ZDHHC1: variants seen among roughly 807,000 people sequenced by gnomAD.
The protein encoded by ZDHHC1 is palmitoyltransferase ZDHHC1.
A neutral mutation model predicts 46.9 loss-of-function variants in ZDHHC1; 45 were observed. The observed-to-expected ratio is 0.96, with a 90% CI of 0.76 to 1.23. ZDHHC1 has a LOEUF of 1.23. Among genes scored for constraint, ZDHHC1 ranks in the 50% most tolerant of loss-of-function variants. The probability of loss-of-function intolerance (pLI) is 0.00; values close to 1 mark genes in which losing one functional copy is unlikely to be tolerated. For synonymous variants in ZDHHC1, 291 were observed against 286.0 expected, an observed-to-expected ratio of 1.02 and a Z score of -0.18; for missense variants, 649 against 670.8, an observed-to-expected ratio of 0.97 and a Z score of 0.36.
At chr16:67,402,509 C>A (rs554326993) in intron 3 of ZDHHC1, among the ~76,000 whole-genome samples, 3 of 152,314 alleles carry the variant, frequency 2.0e-5, no homozygotes, top group African/African-American at 7.2e-5. Flanking sequence ...TCCCGCCTCA[C>A]CCCCAGGGTC....
At chr16:67,398,461 A>T (rs2040476799) in intron 7 of ZDHHC1, 112 bp downstream of exon 7, 1 of 1,515,612 alleles carries the variant, frequency 6.6e-7, no homozygotes, top group African/African-American at 1.4e-5. Context: ...TGGCCACCAT[A>T]GTGAGCCCAT....
intron 1 of ZDHHC1, among the ~76,000 whole-genome samples, chr16:67,414,810 C>T (rs2040806191): frequency 6.6e-6 from 1 of 152,242 alleles, no homozygotes; most frequent in Non-Finnish European, 1.5e-5. Context: ...CAACTGACTT[C>T]CCGGTATGTC....
At chr16:67,396,510 G>A (rs1315633567) in intron 8 of ZDHHC1, among the ~76,000 whole-genome samples, 1 of 152,080 alleles carries the variant, frequency 6.6e-6, no homozygotes, top group African/African-American at 2.4e-5. Context: ...TCTAAAACAA[G>A]CCTATGTTTG....
rs1363271575 is a variant in ZDHHC1, at chr16:67,406,444, T to G, written c.10-2A>C. 2 of 1,527,602 alleles carry G rather than the reference T, an allele frequency of 1.3e-6. No individual in the cohort carries two copies. The highest frequency in any genetic ancestry group is 1.8e-6 in the Non-Finnish European group (2 of 1,136,042). 94.6% of individuals were successfully genotyped at this position (1,527,602 alleles called of 1,614,324 possible). A position where few individuals can be genotyped will look rare whatever the true frequency, so the allele number is the denominator to read the frequency against. On this transcript the variant is annotated splice_acceptor_variant, in intron 2 of 11. Transcript: ENST00000565726. LOFTEE classifies it high-confidence loss of function. The surrounding 1 kb of genome is among the most constrained non-coding windows in gnomAD (Gnocchi z 4.1). ...GGAGGGCTTGTTGCAGATGTTCATC[T>G]CCAGAGGGAGAAACAGTAGAGAGAG...
intron 1 of ZDHHC1, among the ~76,000 whole-genome samples, chr16:67,412,582 T>C (rs2040765322): frequency 1.3e-5 from 2 of 152,172 alleles, no homozygotes; most frequent in Non-Finnish European, 2.9e-5. Flanking sequence ...TATGAACTGT[T>C]AGGGATCTTG....
At chr16:67,399,223 C>G in intron 5 of ZDHHC1, 132 bp downstream of exon 5, 8 of 873,714 alleles carry the variant, frequency 9.2e-6, no homozygotes, top group Non-Finnish European at 1.4e-5. Flanking sequence ...TGGGCAGCAC[C>G]CCCGCATAAA....
chr16:67,397,345 G>C (rs1248276594), intron 8 of ZDHHC1, among the ~76,000 whole-genome samples: 1 of 152,198 alleles, frequency 6.6e-6, no homozygotes, highest in Middle Eastern at 3.2e-3. Flanking sequence ...GCCACCATCA[G>C]AGCCCAGCAC....
intron 1 of ZDHHC1, among the ~76,000 whole-genome samples, chr16:67,413,636 C>G (rs915709351): frequency 6.6e-6 from 1 of 152,122 alleles, no homozygotes; most frequent in Non-Finnish European, 1.5e-5. Context: ...CTCTCATAAA[C>G]AACAGGTGGA....
Position 67,394,695 on chromosome 16 carries a change from C to G in ZDHHC1, c.1364G>C (p.Arg455Pro), listed in dbSNP as rs909560245. The G allele has an allele frequency of 7.8e-7, 1 of 1,289,978 alleles. No homozygotes were observed. The highest frequency in any genetic ancestry group is 9.8e-7 in the Non-Finnish European group (1 of 1,023,962). 79.9% of individuals were successfully genotyped at this position (1,289,978 alleles called of 1,614,324 possible). A position where few individuals can be genotyped will look rare whatever the true frequency, so the allele number is the denominator to read the frequency against. ...GAAAACGGCGGGCGCACGCGCCTGC[C>G]GCGCCAGCGTGGGCTGTCGGCCCCG... ...RGRGRQPTLA[R>P]QARAPAVFVS... The change falls in exon 12 of 12, where the codon CGG becomes CCG. Residue 455 changes from arginine (R) to proline (P), a missense_variant. Transcript: ENST00000565726.
intron 8 of ZDHHC1, 141 bp from the exon 9 acceptor site, chr16:67,395,707 A>C: frequency 1.2e-6 from 1 of 826,010 alleles, no homozygotes; most frequent in Non-Finnish European, 1.9e-6. Context: ...CCATGCTGGG[A>C]AAACCCCATC....
At chr16:67,404,178 G>C (rs972866377) in intron 3 of ZDHHC1, 2 of 151,548 alleles carry the variant, frequency 1.3e-5, no homozygotes, top group African/African-American at 4.9e-5. Context: ...AAGTTAGGAA[G>C]GAAGCGGGAG....
chr16:67,396,822 C>T (rs1371689849), intron 8 of ZDHHC1, among the ~76,000 whole-genome samples: 1 of 152,206 alleles, frequency 6.6e-6, no homozygotes, highest in African/African-American at 2.4e-5. Context: ...GCAAAGCCCA[C>T]TGGGGGGCCC....
Position 67,401,603 on chromosome 16 carries a change from C to T in ZDHHC1, c.253-471G>A, listed in dbSNP as rs2040554596. Among the ~76,000 whole-genome samples, 3 of 152,204 alleles carry T rather than the reference C, an allele frequency of 2.0e-5. No homozygotes were observed. Among genetic ancestry groups the T allele is most frequent in the Admixed American group, 2.0e-4 (3 of 15,284 alleles). ...TCACCTCCAAAAGGGATGCAGCCAC[C>T]CCCCTTTTCAGTAGCTGGGCCAGAT... On this transcript the variant is annotated intron_variant, in intron 3 of 11. Coordinates refer to ENST00000565726, the MANE Select transcript of ZDHHC1 (RefSeq NM_001323627.2). The surrounding 1 kb of genome is among the most constrained non-coding windows in gnomAD (Gnocchi z 4.6).
chr16:67,408,168 T>G (rs1029710597), intron 1 of ZDHHC1, among the ~76,000 whole-genome samples: 6 of 146,998 alleles, frequency 4.1e-5, no homozygotes, highest in South Asian at 2.2e-4. Flanking sequence ...GGGTTTAGGG[T>G]TTTTTTTTTT....
intron 8 of ZDHHC1, 22 bp downstream of exon 8, chr16:67,398,190 T>G: frequency 3.1e-5 from 33 of 1,073,236 alleles, no homozygotes; most frequent in Non-Finnish European, 4.4e-5. Context: ...CCAGGCCCCC[T>G]CCCACCCTTC....
rs1278441021 is a variant in ZDHHC1 at position 67,399,416 on chromosome 16, C to A, written c.469G>T (p.Val157Leu). The A allele has an allele frequency of 2.5e-6, 4 of 1,613,372 alleles. No individual in the cohort carries two copies. The highest frequency in any genetic ancestry group is 3.4e-6 in the Non-Finnish European group (4 of 1,179,842). The change falls in exon 5 of 12, where the codon GTG becomes TTG. Residue 157 changes from valine to leucine, a missense_variant. Physicochemically the swap from Val to Leu is conservative, Grantham distance 32. Coordinates refer to ENST00000565726, the MANE Select transcript of ZDHHC1 (RefSeq NM_001323627.2). ...TTGCAGTGGTGGTCGAAACCGCACA[C>A]GCACTTGTTGCAGGCGCTGCAGTGC... The part of the protein sequence containing the change: ...SKHCSACNKC[V>L]CGFDHHCKWL...
At chr16:67,397,098 C>T (rs980690083) in intron 8 of ZDHHC1, among the ~76,000 whole-genome samples, 3 of 152,226 alleles carry the variant, frequency 2.0e-5, no homozygotes, top group African/African-American at 7.2e-5. Context: ...ACAAGAACAC[C>T]ACTCCTGTCC....
In ZDHHC1 at chr16:67,395,016, G is replaced by A. The variant is rs1289943852; in HGVS notation, c.1151C>T (p.Ser384Leu). 1.2e-6 allele frequency: 2 copies of A among 1,611,250 alleles called. No homozygotes were observed. Among genetic ancestry groups the A allele is most frequent in the Admixed American group, 1.7e-5 (1 of 59,848 alleles). ...GAGGCGCTCACCCGACGCCGGATCC[G>A]AGGTCTCAGACGTTCGCACTTTATA... ...RVYKVRTSET[S>L]DPASGPRAPS... The change falls in exon 11 of 12, where the codon TCG (serine) becomes TTG (leucine). Residue 384 changes from serine (S) to leucine (L), a missense_variant. Coordinates refer to ENST00000565726, the MANE Select transcript of ZDHHC1 (RefSeq NM_001323627.2).
In ZDHHC1 at chr16:67,394,843, C is replaced by T. The variant is rs1024038888; in HGVS notation, c.1216G>A (p.Ala406Thr). The change falls in exon 12 of 12, where the codon GCC becomes ACC. Residue 406 changes from alanine to threonine, a missense_variant. By Grantham distance (58) the Ala-to-Thr change is moderately conservative (BLOSUM62 0). Transcript: ENST00000565726. ...GGGCCAGCGGCGTGCACAGGGCTGG[C>T]GTCCGCGGAATCCGTCGACGAGCTG... ...RSSSSTDSAD[A>T]SPVHAAGPAG... is the part of the protein sequence containing the mutation. 2.6e-6 allele frequency: 4 copies of T among 1,554,000 alleles called. No homozygotes were observed. The African/African-American group carries it at 5.4e-5, about 21-fold the overall frequency.
Sources: gnomAD v4.1 joint callset for allele counts (sites outside exome capture counted in the v4.1 genomes callset) on GRCh38, gnomAD v4.1.1 for gene constraint, Gnocchi (gnomAD v3.1) non-coding constraint, MANE v1.5 for transcripts, NCBI Gene and HGNC (gene_info 2026-07-23, HGNC 2026-07-21) for gene names.